Variants in TXNRD3 observed in about 807,000 individuals in gnomAD.
TXNRD3 encodes TXNRD3 neighbor gene protein.
TXNRD3 carries 68 observed loss-of-function variants against 78.2 expected under a neutral mutation model. The ratio of observed to expected loss-of-function variants is 0.87; its 90% CI spans 0.72 to 1.06. The LOEUF (loss-of-function observed/expected upper bound fraction) is 1.06. Ranked by LOEUF, TXNRD3 falls within the 50% of genes least tolerant of loss-of-function variation. TXNRD3 has a pLI of 0.00. For missense variants in TXNRD3, 751 were observed against 809.5 expected (o/e 0.93, Z 0.88); for synonymous variants, 296 against 300.1 (o/e 0.99, Z 0.14).
At chr3:126,608,325 C>T (rs1369675747) in intron 15 of TXNRD3, among the ~76,000 whole-genome samples, 174 bp downstream of exon 15, 4 of 152,154 alleles carry the variant, frequency 2.6e-5, no homozygotes, top group African/African-American at 7.2e-5. Context: ...CATGCTACTG[C>T]ACTCTAGCCT....
intron 13 of TXNRD3, among the ~76,000 whole-genome samples, chr3:126,613,991 CT>C (rs1300703791): frequency 6.6e-6 from 1 of 152,198 alleles, no homozygotes; most frequent in African/African-American, 2.4e-5. Flanking sequence ...GTTACTACCC[CT>C]GGGACAGGAT....
At chr3:126,623,822 T>C (rs1938507879) in intron 10 of TXNRD3, among the ~76,000 whole-genome samples, 1 of 124,308 alleles carries the variant, frequency 8.0e-6, no homozygotes, top group Non-Finnish European at 1.6e-5. Context: ...ATCAACACTG[T>C]ATTGGAGGTA....
chr3:126,617,703 C>A (rs1192211144), intron 12 of TXNRD3, among the ~76,000 whole-genome samples: 1 of 152,214 alleles, frequency 6.6e-6, no homozygotes, highest in Non-Finnish European at 1.5e-5. Context: ...TCTTATTCAA[C>A]ACAGTACTAG....
Position 126,630,701 on chromosome 3 carries a change from T to G in TXNRD3, c.1197+11A>C. Reference sequence around the variant, plus strand: ...TAGAGAAAAAAAATTGCAAATGCCATGCAGCCTTACCATCACAGGTATGAA... The same window carrying G: ...TAGAGAAAAAAAATTGCAAATGCCAGGCAGCCTTACCATCACAGGTATGAA... On this transcript the variant is annotated intron_variant, in intron 9 of 15. Coordinates refer to ENST00000524230, the MANE Select transcript of TXNRD3 (RefSeq NM_052883.3). The G allele has an allele frequency of 6.5e-7, 1 of 1,533,760 alleles. No homozygotes were observed. The highest frequency in any genetic ancestry group is 8.7e-7 in the Non-Finnish European group (1 of 1,146,552).
At chr3:126,651,983 C>T (rs1438432935) in intron 1 of TXNRD3, among the ~76,000 whole-genome samples, 2 of 152,180 alleles carry the variant, frequency 1.3e-5, no homozygotes, top group African/African-American at 4.8e-5. Flanking sequence ...GAAGCAAATA[C>T]ATTAAATTTA....
At chr3:126,623,278 G>A (rs143254861) in intron 10 of TXNRD3, among the ~76,000 whole-genome samples, 67 of 152,232 alleles carry the variant, frequency 4.4e-4, no homozygotes, top group African/African-American at 1.6e-3. Flanking sequence ...ACTTAAGTAC[G>A]AAATAATGCT....
intron 6 of TXNRD3, among the ~76,000 whole-genome samples, chr3:126,635,727 T>C (rs1938843489): frequency 6.6e-6 from 1 of 152,222 alleles, no homozygotes; most frequent in African/African-American, 2.4e-5. Flanking sequence ...TTTTTTGTTA[T>C]GCCTTTATAT....
chr3:126,636,587 T>A (rs929777474), intron 6 of TXNRD3, among the ~76,000 whole-genome samples: 1 of 152,186 alleles, frequency 6.6e-6, no homozygotes, highest in Non-Finnish European at 1.5e-5. Context: ...GCACTCCTGC[T>A]GTGCTATCCT....
intron 9 of TXNRD3, 88 bp from the exon 10 acceptor site, chr3:126,629,559 A>C: frequency 9.7e-7 from 1 of 1,029,818 alleles, no homozygotes; most frequent in Non-Finnish European, 1.4e-6. Flanking sequence ...GTTCGTGTAC[A>C]TTTGTGTGTT....
chr3:126,655,027 C>G lies in TXNRD3; in HGVS notation c.-37G>C. On this transcript the variant is annotated 5_prime_UTR_variant, in exon 1 of 16. Transcript: ENST00000524230. ...CGCTCCTGGCCCGGCCGGGCCTGCT[C>G]ACAAACCGAAACGCAGGCGGCTGCG... The G allele has an allele frequency of 5.4e-6, 7 of 1,293,650 alleles. No individual in the cohort carries two copies. The highest frequency in any genetic ancestry group is 6.8e-6 in the Non-Finnish European group (7 of 1,022,324). 80.1% of individuals were successfully genotyped at this position (1,293,650 alleles called of 1,614,324 possible). A position where few individuals can be genotyped will look rare whatever the true frequency, so the allele number is the denominator to read the frequency against.
intron 10 of TXNRD3, among the ~76,000 whole-genome samples, chr3:126,626,588 T>C (rs1186841971): frequency 6.6e-6 from 1 of 152,152 alleles, no homozygotes; most frequent in African/African-American, 2.4e-5. Flanking sequence ...AGTTATAAGA[T>C]ACCTCTACAC....
chr3:126,645,246 T>C (rs1162008277), intron 3 of TXNRD3, among the ~76,000 whole-genome samples: 5 of 152,176 alleles, frequency 3.3e-5, no homozygotes, highest in African/African-American at 1.2e-4. Flanking sequence ...GAAATCCACC[T>C]CCTCAGAATC....
intron 10 of TXNRD3, chr3:126,624,794 C>T (rs1938539133): frequency 5.6e-6 from 1 of 180,110 alleles, no homozygotes; most frequent in African/African-American, 2.4e-5. Context: ...AAGAACTACA[C>T]AGTGAAGCAC....
At chr3:126,623,955 T>TA (rs928304798) in intron 10 of TXNRD3, among the ~76,000 whole-genome samples, 20 of 150,342 alleles carry the variant, frequency 1.3e-4, no homozygotes, top group African/African-American at 3.7e-4. Context: ...AAGGTCAATA[T>TA]AAAAAAAACT....
chr3:126,630,272 A>T (rs1181804343), intron 9 of TXNRD3, among the ~76,000 whole-genome samples: 1 of 152,246 alleles, frequency 6.6e-6, no homozygotes, highest in African/African-American at 2.4e-5. Context: ...AGATGGAAGC[A>T]GCTGACAGTC....
At chr3:126,648,976 C>T (rs1024483323) in intron 1 of TXNRD3, among the ~76,000 whole-genome samples, 13 of 152,052 alleles carry the variant, frequency 8.5e-5, no homozygotes, top group Non-Finnish European at 1.3e-4. Flanking sequence ...TGAATAGCCA[C>T]GGCACTCCAG....
At chr3:126,625,167 T>A (rs927257369) in intron 10 of TXNRD3, 2 of 152,148 alleles carry the variant, frequency 1.3e-5, no homozygotes, top group African/African-American at 4.9e-5. Flanking sequence ...TTTTTTTTTT[T>A]AATATACTTT....
At chr3:126,626,510 T>C (rs1420832457) in intron 10 of TXNRD3, among the ~76,000 whole-genome samples, 1 of 152,184 alleles carries the variant, frequency 6.6e-6, no homozygotes, top group East Asian at 1.9e-4. Flanking sequence ...AAAGAAAATA[T>C]ACATGAATGG....
intron 2 of TXNRD3, among the ~76,000 whole-genome samples, chr3:126,646,872 T>C (rs547370558): frequency 6.6e-6 from 1 of 152,298 alleles, no homozygotes; most frequent in East Asian, 1.9e-4. Flanking sequence ...AAAAACTTAA[T>C]GCACTCTCCC....
Sources: gnomAD v4.1 joint callset for allele counts (sites outside exome capture counted in the v4.1 genomes callset) on GRCh38, gnomAD v4.1.1 for gene constraint, MANE v1.5 for transcripts, NCBI Gene and HGNC (gene_info 2026-07-23, HGNC 2026-07-21) for gene names.